ME2: variants seen among roughly 807,000 people sequenced by gnomAD.
The protein encoded by ME2 is malic enzyme 2.
In ME2, 60 loss-of-function variants were observed where a neutral mutation model predicts 73.7. That is an observed-to-expected ratio of 0.81 (90% CI 0.66 to 1.01). ME2 has a LOEUF of 1.01. ME2 is among the 50% of genes least tolerant of loss of function. The pLI, the probability that ME2 is intolerant of heterozygous loss-of-function variation, is 0.00. For missense variants in ME2, 594 were observed against 705.5 expected (o/e 0.84, Z 1.79); for synonymous variants, 199 against 236.9 (o/e 0.84, Z 1.47).
intron 2 of ME2, among the ~76,000 whole-genome samples, chr18:50,899,811 G>A (rs1916843809): frequency 6.6e-6 from 1 of 152,114 alleles, no homozygotes; most frequent in Non-Finnish European, 1.5e-5. Context: ...TTCCTCCATT[G>A]AGGACAATGA....
intron 1 of ME2, among the ~76,000 whole-genome samples, chr18:50,890,460 A>G (rs955901615): frequency 3.3e-5 from 5 of 152,174 alleles, no homozygotes; most frequent in Non-Finnish European, 5.9e-5. Flanking sequence ...CTTATAAACA[A>G]ATTCAATCTC....
At chr18:50,938,576 A>G (rs571404318) in intron 13 of ME2, among the ~76,000 whole-genome samples, 47 of 152,356 alleles carry the variant, frequency 3.1e-4, no homozygotes, top group African/African-American at 1.0e-3. Context: ...CAAAAAATAT[A>G]TATCTCCCAT....
At chr18:50,900,684 G>T (rs1033758169) in intron 2 of ME2, among the ~76,000 whole-genome samples, 44 of 152,268 alleles carry the variant, frequency 2.9e-4, no homozygotes, top group African/African-American at 7.9e-4. Flanking sequence ...ATTACCACGT[G>T]TCAAAGGTAG....
At chr18:50,924,929 G>A (rs1293778938) in intron 11 of ME2, among the ~76,000 whole-genome samples, 2 of 151,684 alleles carry the variant, frequency 1.3e-5, no homozygotes, top group Non-Finnish European at 1.5e-5. Context: ...TGATCCACCT[G>A]CCTCGGCGGG....
At chr18:50,886,766 C>G in intron 1 of ME2, among the ~76,000 whole-genome samples, 1 of 151,908 alleles carries the variant, frequency 6.6e-6, no homozygotes. Context: ...TTTGGGAGGC[C>G]AAGACTGACA....
At chr18:50,922,966 G>A (rs1275653380) in intron 10 of ME2, among the ~76,000 whole-genome samples, 1 of 152,168 alleles carries the variant, frequency 6.6e-6, no homozygotes, top group Non-Finnish European at 1.5e-5. Flanking sequence ...ATAAGAATAT[G>A]AGTTCTCAGT....
At chr18:50,922,305 A>G (rs1202626497) in intron 10 of ME2, among the ~76,000 whole-genome samples, 1 of 152,232 alleles carries the variant, frequency 6.6e-6, no homozygotes, top group African/African-American at 2.4e-5. Context: ...AAGTTTTACA[A>G]ATGAAGAAAC....
chr18:50,916,191 A>T lies in ME2; in HGVS notation c.416A>T (p.Asp139Val). 2 of 1,611,568 alleles carry T rather than the reference A, an allele frequency of 1.2e-6. No individual in the cohort carries two copies. The highest frequency in any genetic ancestry group is 2.2e-5 in the South Asian group (2 of 90,618). Residue 139 changes from aspartate to valine, a missense_variant, in exon 5 of 16, where the codon GAC becomes GTC. Coordinates refer to ENST00000321341, the MANE Select transcript of ME2 (RefSeq NM_002396.5). ...AGGGGATTATTTATTTCGATCTCAG[A>T]CAGAGGTCATGTTAGATCAATTGTG... Reference protein sequence around the residue: ...RPKGLFISISDRGHVRSIVDN... With the variant: ...RPKGLFISISVRGHVRSIVDN...
At chr18:50,939,283 C>G in intron 13 of ME2, 1 of 257,274 alleles carries the variant, frequency 3.9e-6, no homozygotes, top group South Asian at 6.4e-5. Context: ...GGGCTGGGAA[C>G]TGGAGTTAAA....
intron 12 of ME2, among the ~76,000 whole-genome samples, chr18:50,929,778 G>T (rs867243029): frequency 1.4e-4 from 22 of 152,138 alleles, no homozygotes; most frequent in Middle Eastern, 3.4e-3. Context: ...AATGGTTATT[G>T]TTCCCCAAAT....
At chr18:50,918,256 G>A in intron 7 of ME2, 43 bp downstream of exon 7, 2 of 1,331,478 alleles carry the variant, frequency 1.5e-6, no homozygotes, top group Non-Finnish European at 1.1e-6. Flanking sequence ...CCTTTAATGG[G>A]GTGGGTGGGG....
intron 13 of ME2, chr18:50,935,826 A>G (rs902123225): frequency 3.3e-5 from 5 of 151,868 alleles, no homozygotes; most frequent in African/African-American, 1.2e-4. Context: ...CAACTGGAAA[A>G]TATCTCAGAA....
intron 15 of ME2, among the ~76,000 whole-genome samples, chr18:50,941,333 G>C (rs1174643848): frequency 7.4e-6 from 1 of 134,534 alleles, no homozygotes; most frequent in African/African-American, 2.9e-5. Flanking sequence ...ATAAATCTTT[G>C]TGTGTATTTG....
At chr18:50,884,408 C>T (rs753270451) in intron 1 of ME2, among the ~76,000 whole-genome samples, 9 of 152,066 alleles carry the variant, frequency 5.9e-5, no homozygotes, top group Non-Finnish European at 1.0e-4. Context: ...AGTGCAGTGG[C>T]GTGATCTCAG....
At chr18:50,901,097 A>C (rs1422159177) in intron 2 of ME2, among the ~76,000 whole-genome samples, 1 of 152,244 alleles carries the variant, frequency 6.6e-6, no homozygotes, top group African/African-American at 2.4e-5. Flanking sequence ...CTTGCCACTT[A>C]GTTATAATTT....
At chr18:50,880,982 T>G (rs1916306947) in intron 1 of ME2, among the ~76,000 whole-genome samples, 1 of 152,254 alleles carries the variant, frequency 6.6e-6, no homozygotes. Flanking sequence ...ATCTGTATAT[T>G]AAGTTAAAAA....
intron 3 of ME2, among the ~76,000 whole-genome samples, chr18:50,910,797 G>A (rs1262089457): frequency 1.3e-5 from 2 of 152,182 alleles, no homozygotes. Flanking sequence ...TAAATCATGT[G>A]GGGATTCCTA....
intron 10 of ME2, among the ~76,000 whole-genome samples, chr18:50,923,631 A>G (rs1807239735): frequency 6.6e-6 from 1 of 152,120 alleles, no homozygotes; most frequent in Non-Finnish European, 1.5e-5. Context: ...GTGTGCCCAT[A>G]GTTCCAGCTA....
At chr18:50,890,408 A>G (rs1916579848) in intron 1 of ME2, among the ~76,000 whole-genome samples, 1 of 152,170 alleles carries the variant, frequency 6.6e-6, no homozygotes, top group Non-Finnish European at 1.5e-5. Flanking sequence ...ACCACTGTGC[A>G]GGGCCTCAAT....
Sources: gnomAD v4.1 joint callset for allele counts (sites outside exome capture counted in the v4.1 genomes callset) on GRCh38, gnomAD v4.1.1 for gene constraint, MANE v1.5 for transcripts, NCBI Gene and HGNC (gene_info 2026-07-23, HGNC 2026-07-21) for gene names.